CIROZ: variants seen among roughly 807,000 people sequenced by gnomAD.
CIROZ encodes the protein ciliated left-right organizer ZP-N domains-containing protein.
the CIROZ span, chr1:10,955,183 G>T: frequency 6.2e-7 from 1 of 1,601,856 alleles, no homozygotes; most frequent in South Asian, 1.1e-5. Context: ...TGGCTGGAAT[G>T]ACACTGGAAT....
At chr1:10,961,560 C>G in the CIROZ span, among the ~76,000 whole-genome samples, 1 of 152,150 alleles carries the variant, frequency 6.6e-6, no homozygotes. Flanking sequence ...GAGAAGAAAG[C>G]GATAAGCTCT....
At chr1:10,969,052 T>TGGCC in the CIROZ span, among the ~76,000 whole-genome samples, 17 of 152,340 alleles carry the variant, frequency 1.1e-4, no homozygotes, top group East Asian at 3.3e-3. Context: ...CCGGGCTGGC[T>TGGCC]GGCCAATGGG....
chr1:10,981,520 G>A, the CIROZ span, among the ~76,000 whole-genome samples: 2 of 149,916 alleles, frequency 1.3e-5, no homozygotes, highest in Non-Finnish European at 3.0e-5. Context: ...AGGAAGGAAG[G>A]AGAAAGGAAG....
the CIROZ span, among the ~76,000 whole-genome samples, chr1:10,956,333 C>T: frequency 6.6e-6 from 1 of 152,156 alleles, no homozygotes; most frequent in East Asian, 1.9e-4. Context: ...GGGGTCCCCA[C>T]CACCCTCAGA....
chr1:10,962,865 A>G, the CIROZ span, among the ~76,000 whole-genome samples: 2 of 152,244 alleles, frequency 1.3e-5, no homozygotes, highest in Non-Finnish European at 2.9e-5. Flanking sequence ...CACGCCTATA[A>G]TCCCAGGGCT....
the CIROZ span, among the ~76,000 whole-genome samples, chr1:10,961,088 G>A: frequency 6.6e-6 from 1 of 152,232 alleles, no homozygotes; most frequent in Non-Finnish European, 1.5e-5. Context: ...AGGGCAGGAC[G>A]ATGGAGACCA....
At chr1:10,957,433 C>G in the CIROZ span, 10 of 834,882 alleles carry the variant, frequency 1.2e-5, no homozygotes, top group Non-Finnish European at 1.4e-5. Context: ...GCAGGAGCCC[C>G]TCATCTGCAG....
chr1:10,972,058 G>T, the CIROZ span, among the ~76,000 whole-genome samples: 8 of 150,402 alleles, frequency 5.3e-5, no homozygotes, highest in African/African-American at 2.0e-4. Context: ...ATCCACAGAG[G>T]CGTGCTAAAT....
At chr1:10,970,527 G>A in the CIROZ span, among the ~76,000 whole-genome samples, 2 of 152,132 alleles carry the variant, frequency 1.3e-5, no homozygotes, top group African/African-American at 4.8e-5. Context: ...TACTCAGGAG[G>A]CTGAGGCAGG....
the CIROZ span, among the ~76,000 whole-genome samples, chr1:10,960,921 G>C: frequency 6.6e-6 from 1 of 152,120 alleles, no homozygotes; most frequent in African/African-American, 2.4e-5. This position sits in a 1 kb window ranked among gnomAD's most constrained non-coding sequence, Gnocchi z 4.6. Flanking sequence ...GGGCTGGAGG[G>C]GAGGCGGGGG....
chr1:10,980,539 C>T, the CIROZ span, among the ~76,000 whole-genome samples: 1 of 152,216 alleles, frequency 6.6e-6, no homozygotes, highest in Non-Finnish European at 1.5e-5. Context: ...TCTCCCAGAG[C>T]GAGTAAATCT....
At chr1:10,966,436 A>G in the CIROZ span, 1 of 1,536,786 alleles carries the variant, frequency 6.5e-7, no homozygotes, top group Non-Finnish European at 8.7e-7. Flanking sequence ...GGAAGTAGCC[A>G]CATTTAGCAA....
At chr1:10,966,266 G>T in the CIROZ span, 7 of 1,373,522 alleles carry the variant, frequency 5.1e-6, no homozygotes, top group Non-Finnish European at 6.7e-6. Flanking sequence ...GAGGAATAAT[G>T]GTGCAGTGTC....
chr1:10,956,218 G>A, the CIROZ span, among the ~76,000 whole-genome samples: 1 of 152,174 alleles, frequency 6.6e-6, no homozygotes, highest in Non-Finnish European at 1.5e-5. Flanking sequence ...CTGGAGGTAG[G>A]AAGTGGTCTT....
chr1:10,980,310 C>CGGCT, the CIROZ span, among the ~76,000 whole-genome samples: 1 of 152,198 alleles, frequency 6.6e-6, no homozygotes, highest in Non-Finnish European at 1.5e-5. Flanking sequence ...GAGGAGCTTG[C>CGGCT]GGCTGCCTGG....
the CIROZ span, among the ~76,000 whole-genome samples, chr1:10,973,265 C>T: frequency 1.3e-5 from 2 of 151,816 alleles, no homozygotes; most frequent in African/African-American, 2.4e-5. Flanking sequence ...CCCAGCTACT[C>T]GGGAAGCTGA....
At chr1:10,949,897 C>G in the CIROZ span, 1 of 1,273,938 alleles carries the variant, frequency 7.8e-7, no homozygotes, top group African/African-American at 1.5e-5. Context: ...CCATGAGTGA[C>G]CCCTTTTCCA....
chr1:10,954,687 C>T, the CIROZ span, among the ~76,000 whole-genome samples: 1 of 152,154 alleles, frequency 6.6e-6, no homozygotes, highest in African/African-American at 2.4e-5. Context: ...ATTGCCTAGG[C>T]AGGAGTGCAG....
chr1:10,977,337 C>G, the CIROZ span, among the ~76,000 whole-genome samples: 2 of 151,964 alleles, frequency 1.3e-5, no homozygotes, highest in Non-Finnish European at 2.9e-5. Flanking sequence ...ACAAAAATTC[C>G]CCGGGCGTGG....
Sources: gnomAD v4.1 joint callset for allele counts (sites outside exome capture counted in the v4.1 genomes callset) on GRCh38, gnomAD v4.1.1 for gene constraint, Gnocchi (gnomAD v3.1) non-coding constraint, MANE v1.5 for transcripts, NCBI Gene and HGNC (gene_info 2026-07-23, HGNC 2026-07-21) for gene names.